TNNI3K: variants seen among roughly 807,000 people sequenced by gnomAD.
TNNI3K encodes the protein serine/threonine-protein kinase TNNI3K.
A neutral mutation model predicts 114.5 loss-of-function variants in TNNI3K; 140 were observed. That is an observed-to-expected ratio of 1.22 (90% CI 1.07 to 1.41). The LOEUF is 1.41. TNNI3K is among the 40% of genes most tolerant of loss of function. The pLI is 0.00. For synonymous variants in TNNI3K, 347 were observed against 347.5 expected, an observed-to-expected ratio of 1.00 and a Z score of 0.02; for missense variants, 1,125 against 1,007.6, an observed-to-expected ratio of 1.12 and a Z score of -1.58.
At chr1:74,459,138 A>G (rs757528231) in intron 20 of TNNI3K, among the ~76,000 whole-genome samples, 2 of 152,242 alleles carry the variant, frequency 1.3e-5, no homozygotes, top group African/African-American at 2.4e-5. Flanking sequence ...GTACATACAC[A>G]CCATAGAATA....
intron 5 of TNNI3K, among the ~76,000 whole-genome samples, chr1:74,299,715 A>G (rs1312594329): frequency 6.6e-6 from 1 of 152,146 alleles, no homozygotes; most frequent in Admixed American, 6.5e-5. Flanking sequence ...AGAGGCAAGA[A>G]GCATCATGGT....
chr1:74,523,380 A>AT (rs562634145), intron 23 of TNNI3K, among the ~76,000 whole-genome samples: 31 of 151,906 alleles, frequency 2.0e-4, no homozygotes, highest in African/African-American at 6.3e-4. Flanking sequence ...AGAACAAGCA[A>AT]TTTTTTTTCC....
chr1:74,382,037 C>T (rs1383139766), intron 17 of TNNI3K, among the ~76,000 whole-genome samples: 1 of 152,190 alleles, frequency 6.6e-6, no homozygotes, highest in African/African-American at 2.4e-5. Flanking sequence ...TAGCACTCAG[C>T]GACTCAACTC....
chr1:74,413,518 G>A (rs1251619240), intron 17 of TNNI3K, among the ~76,000 whole-genome samples: 1 of 152,116 alleles, frequency 6.6e-6, no homozygotes, highest in Non-Finnish European at 1.5e-5. Flanking sequence ...AGTCTGATAT[G>A]TTAATGTTTA....
At chr1:74,407,404 T>G (rs900358380) in intron 17 of TNNI3K, among the ~76,000 whole-genome samples, 10 of 152,150 alleles carry the variant, frequency 6.6e-5, no homozygotes, top group Admixed American at 1.3e-4. Context: ...GTAAAGGAAA[T>G]AGTATAGAAG....
intron 17 of TNNI3K, chr1:74,416,648 A>G: frequency 1.3e-6 from 1 of 743,872 alleles, no homozygotes; most frequent in Non-Finnish European, 1.6e-6. Context: ...GAAATTAGAT[A>G]CATGAATTTT....
At chr1:74,285,836 T>G (rs1280335548) in intron 5 of TNNI3K, among the ~76,000 whole-genome samples, 1 of 152,190 alleles carries the variant, frequency 6.6e-6, no homozygotes, top group Non-Finnish European at 1.5e-5. Flanking sequence ...CTTACAAAAT[T>G]ACAAGCAATT....
At chr1:74,457,340 C>A (rs1667268390) in intron 20 of TNNI3K, among the ~76,000 whole-genome samples, 1 of 152,114 alleles carries the variant, frequency 6.6e-6, no homozygotes. Context: ...ATCTATTCTT[C>A]TGACAGTATG....
chr1:74,275,689 A>G (rs555397759), intron 5 of TNNI3K, among the ~76,000 whole-genome samples: 27 of 152,262 alleles, frequency 1.8e-4, no homozygotes, highest in African/African-American at 6.5e-4. Flanking sequence ...CATGAAACAA[A>G]TTGTGAAGAG....
intron 21 of TNNI3K, chr1:74,480,132 G>A (rs1291344029): frequency 1.4e-6 from 1 of 704,210 alleles, no homozygotes; most frequent in Non-Finnish European, 2.6e-6. Flanking sequence ...AAAGAGGAGG[G>A]CACACTTCTC....
At chr1:74,343,271 C>A in intron 9 of TNNI3K, 92 bp downstream of exon 9, 1 of 1,331,006 alleles carries the variant, frequency 7.5e-7, no homozygotes, top group Non-Finnish European at 1.0e-6. Flanking sequence ...CAAATAGTGG[C>A]AGATGTTGCA....
At position 74,365,293 on chromosome 1, in the gene TNNI3K, G is replaced by A. The variant is rs144851185; in HGVS notation, c.1178-1963G>A. ...AAATGCTTCAGGGGCTCCCCATCTC[G>A]CCTACCCTACACGAAAATCTCATCT... On this transcript the variant is annotated intron_variant, in intron 11 of 24. Transcript: ENST00000326637. Among the ~76,000 whole-genome samples the A allele has an allele frequency of 5.3e-5, 8 of 151,742 alleles. No homozygotes were observed. The South Asian group carries it at 6.3e-4, about 12-fold the overall frequency.
At chr1:74,489,139 T>C in intron 21 of TNNI3K, 50 bp from the exon 22 acceptor site, 2 of 1,519,788 alleles carry the variant, frequency 1.3e-6, no homozygotes, top group African/African-American at 2.8e-5. Flanking sequence ...CCAAAGAGAG[T>C]CTCCTTCCTT....
At chr1:74,299,641 A>G (rs1658197291) in intron 5 of TNNI3K, among the ~76,000 whole-genome samples, 1 of 152,130 alleles carries the variant, frequency 6.6e-6, no homozygotes, top group East Asian at 1.9e-4. Context: ...AACATGAGGA[A>G]ACTAAGTCAC....
At chr1:74,325,638 G>A (rs1659859328) in intron 5 of TNNI3K, among the ~76,000 whole-genome samples, 1 of 152,148 alleles carries the variant, frequency 6.6e-6, no homozygotes, top group African/African-American at 2.4e-5. Context: ...AAATATCCCT[G>A]GAGTGGTGAG....
chr1:74,267,715 A>C (rs1459688224), intron 4 of TNNI3K, among the ~76,000 whole-genome samples: 1 of 151,980 alleles, frequency 6.6e-6, no homozygotes, highest in Non-Finnish European at 1.5e-5. Flanking sequence ...GGCAGTATTC[A>C]GTTAAAAAGT....
intron 19 of TNNI3K, 185 bp from the exon 20 acceptor site, chr1:74,439,305 A>T (rs1666270231): frequency 2.5e-6 from 2 of 806,568 alleles, no homozygotes; most frequent in Non-Finnish European, 3.4e-6. Flanking sequence ...CACAGTAAAC[A>T]CACTGTGTAT....
At chr1:74,397,818 A>G (rs1252309318) in intron 17 of TNNI3K, among the ~76,000 whole-genome samples, 2 of 152,194 alleles carry the variant, frequency 1.3e-5, no homozygotes, top group Admixed American at 1.3e-4. Flanking sequence ...AACAATCTTT[A>G]TGTGAAAAAG....
intron 23 of TNNI3K, among the ~76,000 whole-genome samples, chr1:74,534,253 G>T (rs766082115): frequency 1.3e-5 from 2 of 151,948 alleles, no homozygotes; most frequent in African/African-American, 4.8e-5. Context: ...AATAGTATAC[G>T]TCTGTTATAA....
Sources: gnomAD v4.1 joint callset for allele counts (sites outside exome capture counted in the v4.1 genomes callset) on GRCh38, gnomAD v4.1.1 for gene constraint, MANE v1.5 for transcripts, NCBI Gene and HGNC (gene_info 2026-07-23, HGNC 2026-07-21) for gene names.